Variants in LMBRD1 observed in about 807,000 individuals in gnomAD.
LMBRD1 encodes lysosomal cobalamin transport escort protein LMBD1.
A neutral mutation model predicts 74.8 loss-of-function variants in LMBRD1; 64 were observed. The observed-to-expected ratio is 0.86, with a 90% CI of 0.70 to 1.05. LMBRD1 has a LOEUF of 1.05. LMBRD1 is among the 50% of genes least tolerant of loss of function. LMBRD1 has a pLI of 0.00. For missense variants in LMBRD1, 652 were observed against 645.9 expected, an observed-to-expected ratio of 1.01 and a Z score of -0.10; for synonymous variants, 204 against 216.3, an observed-to-expected ratio of 0.94 and a Z score of 0.50.
chr6:69,727,071 A>G (rs1766752746), intron 7 of LMBRD1, among the ~76,000 whole-genome samples: 2 of 152,098 alleles, frequency 1.3e-5, no homozygotes, highest in African/African-American at 4.8e-5. Flanking sequence ...AGGAGACGGA[A>G]TTTCTTGAAC....
intron 9 of LMBRD1, among the ~76,000 whole-genome samples, chr6:69,703,613 C>T (rs1303172998): frequency 6.6e-6 from 1 of 151,850 alleles, no homozygotes; most frequent in Non-Finnish European, 1.5e-5. Flanking sequence ...ACCAAGAAAA[C>T]TATACATACT....
chr6:69,796,785 T>C (rs756875572), intron 1 of LMBRD1, 28 bp downstream of exon 1: 4 of 1,606,074 alleles, frequency 2.5e-6, no homozygotes, highest in Non-Finnish European at 3.4e-6. Context: ...AGTCCAAACA[T>C]GGGGAAAACT....
At chr6:69,770,700 C>T (rs956458959) in intron 3 of LMBRD1, among the ~76,000 whole-genome samples, 10 of 152,090 alleles carry the variant, frequency 6.6e-5, no homozygotes, top group Non-Finnish European at 1.3e-4. Context: ...GTGCTTAAAA[C>T]ACATCAAGGA....
rs368329652 is a variant in LMBRD1 at position 69,682,067 on chromosome 6, G to A, written c.1418-5526C>T. Among the ~76,000 whole-genome samples, 11 of 151,698 alleles carry A rather than the reference G, an allele frequency of 7.3e-5. No homozygotes were observed. In the East Asian group the frequency reaches 9.6e-4, roughly 13 times the overall value. Reference sequence around the variant, plus strand: ...GGATTTAAAATCCTAATGTTTTATCGTCAGATGGAATACATACACGTAAAA... The same window carrying A: ...GGATTTAAAATCCTAATGTTTTATCATCAGATGGAATACATACACGTAAAA... On this transcript the variant is annotated intron_variant, in intron 14 of 15. Transcript: ENST00000649934.
intron 7 of LMBRD1, among the ~76,000 whole-genome samples, chr6:69,735,162 T>G (rs1346993007): frequency 6.6e-6 from 1 of 152,230 alleles, no homozygotes; most frequent in African/African-American, 2.4e-5. Context: ...GGGTCACGGG[T>G]GGCTGGAGCC....
At chr6:69,697,982 A>G (rs1766043565) in intron 13 of LMBRD1, among the ~76,000 whole-genome samples, 1 of 152,076 alleles carries the variant, frequency 6.6e-6, no homozygotes, top group African/African-American at 2.4e-5. Context: ...GCAAAAGCAT[A>G]ATCTTCCTTC....
At chr6:69,717,562 C>T (rs1335990692) in intron 8 of LMBRD1, among the ~76,000 whole-genome samples, 4 of 152,170 alleles carry the variant, frequency 2.6e-5, no homozygotes, top group East Asian at 3.8e-4. Context: ...TTATATTTCA[C>T]ATTTAATCTC....
At chr6:69,742,829 G>A (rs142867543) in intron 5 of LMBRD1, among the ~76,000 whole-genome samples, 1 of 151,944 alleles carries the variant, frequency 6.6e-6, no homozygotes, top group Non-Finnish European at 1.5e-5. Flanking sequence ...CCTATTTCCT[G>A]TTGCTACTGA....
intron 3 of LMBRD1, among the ~76,000 whole-genome samples, chr6:69,777,875 T>C (rs949378533): frequency 3.3e-5 from 5 of 152,236 alleles, no homozygotes; most frequent in African/African-American, 4.8e-5. Flanking sequence ...GAACTCTGTA[T>C]AGTCCTCAAA....
intron 7 of LMBRD1, among the ~76,000 whole-genome samples, chr6:69,722,929 G>A (rs984416379): frequency 6.6e-6 from 1 of 152,122 alleles, no homozygotes; most frequent in Non-Finnish European, 1.5e-5. Flanking sequence ...CCATTGATCT[G>A]TTGCCTACAA....
intron 1 of LMBRD1, among the ~76,000 whole-genome samples, chr6:69,794,499 T>C (rs547592298): frequency 7.2e-4 from 110 of 152,372 alleles, no homozygotes; most frequent in Non-Finnish European, 1.2e-3. Context: ...AGGAACACCA[T>C]TTTTACTTGA....
intron 9 of LMBRD1, among the ~76,000 whole-genome samples, chr6:69,711,317 A>G (rs897685121): frequency 6.6e-6 from 1 of 152,170 alleles, no homozygotes; most frequent in Non-Finnish European, 1.5e-5. Context: ...CTAAAGTCTG[A>G]GCTCAGGGGA....
chr6:69,783,283 T>C (rs757068693), intron 2 of LMBRD1, among the ~76,000 whole-genome samples: 12 of 152,218 alleles, frequency 7.9e-5, no homozygotes, highest in Non-Finnish European at 1.0e-4. Flanking sequence ...TCCAAATGAA[T>C]ATGTACATAA....
At chr6:69,726,027 C>G (rs1202620918) in intron 7 of LMBRD1, among the ~76,000 whole-genome samples, 1 of 152,058 alleles carries the variant, frequency 6.6e-6, no homozygotes, top group Non-Finnish European at 1.5e-5. Context: ...GGAGCTCAAA[C>G]AACTCTACAG....
intron 7 of LMBRD1, among the ~76,000 whole-genome samples, chr6:69,719,691 T>C (rs1766572794): frequency 6.6e-6 from 1 of 152,202 alleles, no homozygotes; most frequent in Non-Finnish European, 1.5e-5. Flanking sequence ...AGCTTTTTAA[T>C]ATAATCATTA....
At chr6:69,676,700 C>T (rs114821867) in intron 14 of LMBRD1, among the ~76,000 whole-genome samples, 159 bp from the exon 15 acceptor site, 20 of 152,094 alleles carry the variant, frequency 1.3e-4, no homozygotes, top group African/African-American at 4.8e-4. Flanking sequence ...CTCCAAAGCC[C>T]ACTCTTTCAA....
At chr6:69,778,686 A>C (rs1332767959) in intron 3 of LMBRD1, among the ~76,000 whole-genome samples, 3 of 152,190 alleles carry the variant, frequency 2.0e-5, no homozygotes, top group Non-Finnish European at 4.4e-5. Context: ...ATTTATACTA[A>C]AAAGGCAACA....
Position 69,749,322 on chromosome 6 carries a change from A to C in LMBRD1, c.473+19T>G, listed in dbSNP as rs769088588. On this transcript the variant is annotated intron_variant, in intron 5 of 15. Coordinates refer to ENST00000649934, the MANE Select transcript of LMBRD1 (RefSeq NM_018368.4). ...TCTATTTCCATTTCATGGTTTAAAA[A>C]AAAAAAATCAAGACTTACCCAACTA... The C allele has an allele frequency of 1.3e-6, 2 of 1,588,066 alleles. No homozygotes were observed. The highest frequency in any genetic ancestry group is 1.7e-6 in the Non-Finnish European group (2 of 1,162,662).
intron 3 of LMBRD1, among the ~76,000 whole-genome samples, chr6:69,776,277 A>G (rs1765699258): frequency 1.3e-5 from 2 of 152,234 alleles, no homozygotes; most frequent in African/African-American, 4.8e-5. Context: ...CAGTAGTTTA[A>G]AAGTAGTTAA....
Sources: allele counts gnomAD v4.1 joint callset (sites outside exome capture counted in the v4.1 genomes callset), GRCh38; gene constraint gnomAD v4.1.1; transcripts MANE v1.5; gene names NCBI Gene and HGNC (gene_info 2026-07-23, HGNC 2026-07-21).